CRTAC1: variants seen among roughly 807,000 people sequenced by gnomAD.
CRTAC1 encodes acidic secreted protein in cartilage.
CRTAC1 carries 37 observed loss-of-function variants against 67.8 expected under a neutral mutation model. The ratio of observed to expected loss-of-function variants is 0.55; its 90% CI spans 0.42 to 0.72. CRTAC1 has a LOEUF of 0.72. Among genes scored for constraint, CRTAC1 ranks in the 30% least tolerant of loss-of-function variants. The pLI is 0.00. For synonymous variants in CRTAC1, 348 were observed against 371.0 expected (o/e 0.94, Z 0.71); for missense variants, 780 against 931.6 (o/e 0.84, Z 2.12).
At chr10:97,922,390 T>C (rs2136595086) in intron 4 of CRTAC1, among the ~76,000 whole-genome samples, 1 of 152,334 alleles carries the variant, frequency 6.6e-6, no homozygotes, top group Non-Finnish European at 1.5e-5. Flanking sequence ...CGGTGCCATC[T>C]CAATCCCAAA....
At chr10:97,978,548 C>T (rs936987316) in intron 2 of CRTAC1, among the ~76,000 whole-genome samples, 3 of 152,210 alleles carry the variant, frequency 2.0e-5, no homozygotes, top group African/African-American at 7.2e-5. Context: ...ATGCACCAAG[C>T]TTGCTCCTGC....
chr10:97,908,645 T>C (rs2050648327), intron 5 of CRTAC1, among the ~76,000 whole-genome samples: 1 of 152,220 alleles, frequency 6.6e-6, no homozygotes, highest in Non-Finnish European at 1.5e-5. Flanking sequence ...TTGCTTTGTT[T>C]GACGTTAAAC....
intron 2 of CRTAC1, among the ~76,000 whole-genome samples, chr10:97,995,285 TC>T (rs1842540805): frequency 6.6e-6 from 1 of 152,052 alleles, no homozygotes; most frequent in Non-Finnish European, 1.5e-5. Context: ...TACATGCTTC[TC>T]TCCCCCAACA....
intron 2 of CRTAC1, among the ~76,000 whole-genome samples, chr10:97,984,921 G>A (rs1393084344): frequency 6.6e-6 from 1 of 152,218 alleles, no homozygotes; most frequent in Non-Finnish European, 1.5e-5. Flanking sequence ...GCCTAGCTCT[G>A]GTGCTGCAGT....
intron 2 of CRTAC1, among the ~76,000 whole-genome samples, chr10:97,995,476 A>G (rs1376696706): frequency 6.6e-6 from 1 of 152,232 alleles, no homozygotes; most frequent in African/African-American, 2.4e-5. Flanking sequence ...TCTTGGTGAT[A>G]GAAAGAACAC....
At chr10:97,910,518 A>G (rs1165659323) in intron 5 of CRTAC1, among the ~76,000 whole-genome samples, 1 of 152,236 alleles carries the variant, frequency 6.6e-6, no homozygotes, top group East Asian at 1.9e-4. Context: ...GTTTACTATA[A>G]TAAGAAGAGT....
At chr10:97,912,366 T>C (rs915664883) in intron 5 of CRTAC1, among the ~76,000 whole-genome samples, 5 of 152,156 alleles carry the variant, frequency 3.3e-5, no homozygotes, top group African/African-American at 9.7e-5. Flanking sequence ...TCAGGCTGGG[T>C]AGGGGCTGGA....
chr10:97,899,193 G>A (rs1312167050), intron 8 of CRTAC1, among the ~76,000 whole-genome samples: 2 of 152,212 alleles, frequency 1.3e-5, no homozygotes, highest in African/African-American at 4.8e-5. Flanking sequence ...CCCTCTCGCT[G>A]TCCTCTCTGC....
chr10:97,893,490 A>G (rs975709916), intron 11 of CRTAC1, among the ~76,000 whole-genome samples: 28 of 152,084 alleles, frequency 1.8e-4, no homozygotes, highest in African/African-American at 6.3e-4. Flanking sequence ...TGTTTTTTCC[A>G]TCACTGTAAT....
At chr10:97,875,412 TG>T (rs1157039276) in intron 14 of CRTAC1, among the ~76,000 whole-genome samples, 1 of 152,378 alleles carries the variant, frequency 6.6e-6, no homozygotes, top group South Asian at 2.1e-4. Flanking sequence ...GCCTATTTTT[TG>T]ACCACTTCAC....
chr10:97,997,230 T>TATAATAATA lies in CRTAC1; in HGVS notation c.224+13899_224+13907dup, dbSNP rs111567944. On this transcript the variant is annotated intron_variant, in intron 2 of 14. Transcript: ENST00000370597. ...TGCACATGTACCCTAAAACTTAAAG[T>TATAATAATA]ATAATAATAATAATAATAATAATAA... Among the ~76,000 whole-genome samples, 346 of 131,742 alleles carry TATAATAATA rather than the reference T, an allele frequency of 2.6e-3. 1 individual carries two copies. The highest frequency in any genetic ancestry group is 6.7e-3 in the African/African-American group (232 of 34,384). The allele number at this position is 131,742 out of a possible 152,430, so 86.4% of individuals were successfully genotyped here.
chr10:97,914,138 G>C (rs1421981390), intron 5 of CRTAC1, among the ~76,000 whole-genome samples: 7 of 152,258 alleles, frequency 4.6e-5, no homozygotes, highest in Non-Finnish European at 1.0e-4. Flanking sequence ...GGGAGGCAGG[G>C]CAGGCAGGAA....
At chr10:97,872,764 A>G (rs1055542544) in intron 14 of CRTAC1, among the ~76,000 whole-genome samples, 1 of 152,194 alleles carries the variant, frequency 6.6e-6, no homozygotes, top group African/African-American at 2.4e-5. Context: ...ATGGATGGGT[A>G]CCGATCGCCC....
At position 97,880,346 on chromosome 10, in the gene CRTAC1, C is replaced by T. The variant is rs748920938; in HGVS notation, c.1722G>A (p.Lys574=). ...IQFPFVCPRD[K]PVCVNTYGSY... ...TTCCATAGGTGTTGACACATACGGG[C>T]TTGTCTCGAGGGCACACGAATGGGA... is the stretch of plus-strand genomic sequence containing the variant. The change falls in exon 14 of 15, where the codon AAG becomes AAA. Residue 574 remains lysine (K), a synonymous_variant. Transcript: ENST00000370597. 2.7e-5 allele frequency: 44 copies of T among 1,614,052 alleles called. 1 individual carries two copies. In the South Asian group the frequency reaches 4.4e-4, roughly 16 times the overall value.
intron 3 of CRTAC1, among the ~76,000 whole-genome samples, chr10:97,933,953 C>G (rs1466029201): frequency 2.0e-5 from 3 of 152,160 alleles, no homozygotes; most frequent in Non-Finnish European, 4.4e-5. Context: ...CCAGGTGACC[C>G]TAATGTGCAG....
Position 97,865,705 on chromosome 10 carries a change from C to T in CRTAC1, c.1829G>A (p.Gly610Asp), listed in dbSNP as rs1348556895. 1.2e-6 allele frequency: 2 copies of T among 1,602,288 alleles called. No homozygotes were observed. The highest frequency in any genetic ancestry group is 1.7e-6 in the Non-Finnish European group (2 of 1,174,758). The change falls in exon 15 of 15, where the codon GGC becomes GAC. Residue 610 changes from glycine (G) to aspartate (D), a missense_variant. Transcript: ENST00000370597. ...EDGTACVGTL[G>D]QSPGPRPTTP... ...GGTGGGGCGGGGGCCCGGTGACTGG[C>T]CGAGAGTCCCTGTAGGGAGGTGTAT...
intron 8 of CRTAC1, among the ~76,000 whole-genome samples, chr10:97,900,589 G>C (rs2050521937): frequency 7.7e-6 from 1 of 130,594 alleles, no homozygotes; most frequent in Non-Finnish European, 1.6e-5. Flanking sequence ...CCCTTTTCCT[G>C]GTAGTGATTG....
intron 2 of CRTAC1, among the ~76,000 whole-genome samples, chr10:97,943,806 G>A (rs1330650698): frequency 6.6e-6 from 1 of 152,222 alleles, no homozygotes; most frequent in Non-Finnish European, 1.5e-5. Flanking sequence ...AAATATTGAA[G>A]TTGATTAATT....
At chr10:97,945,946 G>A (rs1374655425) in intron 2 of CRTAC1, among the ~76,000 whole-genome samples, 1 of 152,046 alleles carries the variant, frequency 6.6e-6, no homozygotes, top group African/African-American at 2.4e-5. Context: ...GCATGTGCTC[G>A]ATGCCCTCGG....
Sources: allele counts gnomAD v4.1 joint callset (sites outside exome capture counted in the v4.1 genomes callset), GRCh38; gene constraint gnomAD v4.1.1; transcripts MANE v1.5; gene names NCBI Gene and HGNC (gene_info 2026-07-23, HGNC 2026-07-21).